The following KCNMA1 variants were observed in gnomAD, a reference collection of about 807,000 sequenced individuals.
KCNMA1 encodes Calcium-activated potassium channel subunit alpha-1.
Under a neutral mutation model 140.0 loss-of-function variants are expected in KCNMA1, and 29 were observed. That is an observed-to-expected ratio of 0.21 (90% CI 0.15 to 0.28). KCNMA1 has a LOEUF of 0.28. Ranked by LOEUF, KCNMA1 falls within the 10% of genes least tolerant of loss-of-function variation. The pLI is 1.00. For synonymous variants in KCNMA1, 612 were observed against 611.9 expected (o/e 1.00, Z 0.00); for missense variants, 880 against 1,602.2 (o/e 0.55, Z 7.70).
intron 1 of KCNMA1, among the ~76,000 whole-genome samples, chr10:77,544,673 G>C (rs997277854): frequency 6.6e-6 from 1 of 152,096 alleles, no homozygotes; most frequent in South Asian, 2.1e-4. Flanking sequence ...AGTTTTGCCC[G>C]TCTTCCTGTT....
At chr10:77,122,331 T>A (rs1476716813) in intron 5 of KCNMA1, among the ~76,000 whole-genome samples, 1 of 152,208 alleles carries the variant, frequency 6.6e-6, no homozygotes, top group African/African-American at 2.4e-5. Flanking sequence ...CAGAAGACTT[T>A]TTTTGAAAAC....
intron 5 of KCNMA1, among the ~76,000 whole-genome samples, chr10:77,124,946 G>C (rs1376342693): frequency 6.6e-6 from 1 of 152,150 alleles, no homozygotes; most frequent in East Asian, 1.9e-4. Flanking sequence ...GGCAGAAGGG[G>C]AAGCAAACAC....
At chr10:77,306,758 T>C (rs1455054484) in intron 2 of KCNMA1, among the ~76,000 whole-genome samples, 1 of 152,164 alleles carries the variant, frequency 6.6e-6, no homozygotes, top group African/African-American at 2.4e-5. Context: ...GAAGTGATGG[T>C]GGCCTGAACT....
At chr10:77,088,336 GT>G (rs1195858445) in intron 10 of KCNMA1, among the ~76,000 whole-genome samples, 1 of 152,232 alleles carries the variant, frequency 6.6e-6, no homozygotes, top group Non-Finnish European at 1.5e-5. Flanking sequence ...GCTTCAAGAG[GT>G]TAATTAACTG....
intron 1 of KCNMA1, among the ~76,000 whole-genome samples, chr10:77,607,743 C>G (rs964486908): frequency 6.6e-6 from 1 of 152,164 alleles, no homozygotes; most frequent in Non-Finnish European, 1.5e-5. Flanking sequence ...GCCCTGCAGA[C>G]GCTTTGACTT....
chr10:76,947,298 T>C (rs1042275735), intron 22 of KCNMA1, among the ~76,000 whole-genome samples: 5 of 152,046 alleles, frequency 3.3e-5, no homozygotes, highest in Non-Finnish European at 7.4e-5. Context: ...GATCGTGCCA[T>C]TGCACTCCAG....
intron 24 of KCNMA1, chr10:76,914,420 T>C (rs928081432): frequency 2.0e-6 from 1 of 495,032 alleles, no homozygotes; most frequent in African/African-American, 1.9e-5. Flanking sequence ...TTGCTGAAAA[T>C]GGCTTTTGGC....
chr10:76,910,032 G>A lies in KCNMA1; in HGVS notation c.3081C>T (p.Tyr1027=), dbSNP rs1471820085. ...DDDDDPDTEL[Y]LTQPFACGTA... ...TCCCACAGGCAAAGGGCTGCGTGAG[G>A]TACAGTTCTGTATCAGGGTCATCAT... The change falls in exon 25 of 28, where the codon TAC becomes TAT. Residue 1027 remains tyrosine, a synonymous_variant. Coordinates refer to ENST00000286628, the MANE Select transcript of KCNMA1 (RefSeq NM_001161352.2). 1 of 1,614,040 alleles carries A rather than the reference G, an allele frequency of 6.2e-7. No individual in the cohort carries two copies. Among genetic ancestry groups the A allele is most frequent in the African/African-American group, 1.3e-5 (1 of 75,038 alleles).
chr10:77,513,089 A>G (rs926762303), intron 1 of KCNMA1, among the ~76,000 whole-genome samples: 1 of 152,122 alleles, frequency 6.6e-6, no homozygotes, highest in Non-Finnish European at 1.5e-5. Context: ...AAAGCCCTGA[A>G]AAACGGCCCC....
chr10:77,015,464 T>A (rs1405416410), intron 17 of KCNMA1, among the ~76,000 whole-genome samples: 1 of 152,104 alleles, frequency 6.6e-6, no homozygotes, highest in Non-Finnish European at 1.5e-5. Context: ...AGTCTCTTCA[T>A]AAAACTCTCC....
chr10:77,445,375 C>G (rs2097507057), intron 1 of KCNMA1, among the ~76,000 whole-genome samples: 3 of 149,404 alleles, frequency 2.0e-5, no homozygotes, highest in South Asian at 2.1e-4. Flanking sequence ...GACACACACA[C>G]ACACACACAC....
At chr10:77,508,918 C>T (rs912825383) in intron 1 of KCNMA1, among the ~76,000 whole-genome samples, 9 of 152,120 alleles carry the variant, frequency 5.9e-5, no homozygotes, top group East Asian at 3.8e-4. Context: ...TGTCTTTTTG[C>T]GACTGGCTTA....
chr10:77,120,058 T>G (rs1233727375), intron 6 of KCNMA1, among the ~76,000 whole-genome samples: 1 of 152,198 alleles, frequency 6.6e-6, no homozygotes, highest in Non-Finnish European at 1.5e-5. Context: ...ACAGATATAT[T>G]AATTACAAAT....
chr10:76,939,653 A>T (rs1389555734), intron 23 of KCNMA1: 1 of 152,206 alleles, frequency 6.6e-6, no homozygotes. Flanking sequence ...GAGAACAGCC[A>T]TTTATTCCTT....
rs1274971208 is a variant in KCNMA1, at chr10:76,915,021, G to C, written c.2931C>G (p.Ser977=). 3.1e-6 allele frequency: 5 copies of C among 1,613,262 alleles called. No homozygotes were observed. In the South Asian group the frequency reaches 4.4e-5, roughly 14 times the overall value. ...QGFTPPGMDR[S]SPDNSPVHGM... is the part of the protein sequence containing the mutation. The stretch of plus-strand genomic sequence containing the variant: ...CGTGCACTGGGCTGTTATCTGGAGA[G>C]GATCTATCCATTCCTGGAGGTGTGA... The change falls in exon 24 of 28, where the codon TCC becomes TCG. Residue 977 remains serine (S), a synonymous_variant. Transcript: ENST00000286628.
At chr10:77,300,397 A>T (rs888093125) in intron 2 of KCNMA1, among the ~76,000 whole-genome samples, 1 of 152,168 alleles carries the variant, frequency 6.6e-6, no homozygotes, top group African/African-American at 2.4e-5. Context: ...AATGGGGAGG[A>T]TGTTAGCATC....
chr10:77,064,976 G>A lies in KCNMA1; in HGVS notation c.1749+8121C>T, dbSNP rs185551630. The stretch of plus-strand genomic sequence containing the variant: ...AATCAAAGCTCTTTAATTTGGCAAG[G>A]GAATCATATACAGTAGCAAAGAAAG... On this transcript the variant is annotated intron_variant, in intron 14 of 27. Coordinates refer to ENST00000286628, the MANE Select transcript of KCNMA1 (RefSeq NM_001161352.2). Among the ~76,000 whole-genome samples, 229 of 152,226 alleles carry A rather than the reference G, an allele frequency of 1.5e-3. 1 individual carries two copies. Among genetic ancestry groups the A allele is most frequent in the Non-Finnish European group, 2.2e-3 (148 of 68,004 alleles).
intron 9 of KCNMA1, among the ~76,000 whole-genome samples, chr10:77,099,215 T>G (rs1309598807): frequency 1.3e-5 from 2 of 151,930 alleles, no homozygotes; most frequent in African/African-American, 4.8e-5. Flanking sequence ...GGTTTTGATT[T>G]ACAAAGCGAG....
intron 12 of KCNMA1, among the ~76,000 whole-genome samples, chr10:77,083,083 C>T (rs2096616053): frequency 6.6e-6 from 1 of 152,148 alleles, no homozygotes; most frequent in African/African-American, 2.4e-5. Flanking sequence ...AACCAAGCCA[C>T]CGGTAGAGGG....
Sources: gnomAD v4.1 joint callset for allele counts (sites outside exome capture counted in the v4.1 genomes callset) on GRCh38, gnomAD v4.1.1 for gene constraint, MANE v1.5 for transcripts, NCBI Gene and HGNC (gene_info 2026-07-23, HGNC 2026-07-21) for gene names.